DNTTIP1: variants seen among roughly 807,000 people sequenced by gnomAD.
DNTTIP1 encodes the protein deoxynucleotidyltransferase terminal-interacting protein 1.
In DNTTIP1, 22 loss-of-function variants were observed where a neutral mutation model predicts 52.9. The ratio of observed to expected loss-of-function variants is 0.42; its 90% CI spans 0.30 to 0.59. The LOEUF is 0.59. DNTTIP1 is among the 20% of genes least tolerant of loss of function. The pLI is 0.22. For synonymous variants in DNTTIP1, 136 were observed against 155.1 expected (o/e 0.88, Z 0.92); for missense variants, 286 against 435.5 (o/e 0.66, Z 3.06).
At chr20:45,806,543 G>A (rs916724907) in intron 10 of DNTTIP1, among the ~76,000 whole-genome samples, 1 of 152,218 alleles carries the variant, frequency 6.6e-6, no homozygotes. Flanking sequence ...AAGTAGATTA[G>A]AAGAATAGCA....
intron 1 of DNTTIP1, among the ~76,000 whole-genome samples, 196 bp downstream of exon 1, chr20:45,792,305 T>C (rs1981048176): frequency 6.6e-6 from 1 of 152,196 alleles, no homozygotes; most frequent in South Asian, 2.1e-4. Flanking sequence ...GTCAACCCCC[T>C]GAGTCCCAGG....
chr20:45,794,718 G>A (rs866840559), intron 3 of DNTTIP1, among the ~76,000 whole-genome samples: 4 of 150,414 alleles, frequency 2.7e-5, no homozygotes, highest in Admixed American at 2.0e-4. Context: ...TTGGGAGGCC[G>A]AGGCAGGATC....
intron 10 of DNTTIP1, among the ~76,000 whole-genome samples, chr20:45,808,457 A>C (rs1981720033): frequency 6.6e-6 from 1 of 152,146 alleles, no homozygotes; most frequent in Admixed American, 6.5e-5. Flanking sequence ...CCTGACCAAC[A>C]TGGAGAAATC....
intron 7 of DNTTIP1, among the ~76,000 whole-genome samples, 161 bp downstream of exon 7, chr20:45,802,218 G>T (rs1319559841): frequency 6.6e-6 from 1 of 152,126 alleles, no homozygotes; most frequent in Admixed American, 6.5e-5. Context: ...AGGAAGGAGG[G>T]TAGTGAGGAG....
intron 10 of DNTTIP1, among the ~76,000 whole-genome samples, chr20:45,805,943 A>C (rs1039728990): frequency 6.6e-6 from 1 of 151,194 alleles, no homozygotes; most frequent in African/African-American, 2.4e-5. Context: ...ATTAGCTGGC[A>C]TGGTGGCTCA....
intron 2 of DNTTIP1, among the ~76,000 whole-genome samples, 157 bp from the exon 3 acceptor site, chr20:45,793,764 T>C (rs987896224): frequency 1.3e-5 from 2 of 152,220 alleles, no homozygotes; most frequent in African/African-American, 4.8e-5. Context: ...AATAAAGTCA[T>C]GCCTCTGTGA....
intron 11 of DNTTIP1, among the ~76,000 whole-genome samples, chr20:45,810,073 C>T (rs1981773707): frequency 6.6e-6 from 1 of 152,070 alleles, no homozygotes; most frequent in Non-Finnish European, 1.5e-5. Flanking sequence ...GACCTGTGCA[C>T]TTCTACAGAT....
In DNTTIP1 at chr20:45,809,028, G is replaced by A; in HGVS notation, c.724-86G>A. 8.3e-7 allele frequency: 1 copy of A among 1,208,818 alleles called. No individual in the cohort carries two copies. The highest frequency in any genetic ancestry group is 1.2e-6 in the Non-Finnish European group (1 of 822,728). The allele number at this position is 1,208,818 out of a possible 1,614,324, so 74.9% of individuals were successfully genotyped here. On this transcript the variant is annotated intron_variant, in intron 10 of 12. Transcript: ENST00000372622. This position sits in a 1 kb window ranked among gnomAD's most constrained non-coding sequence, Gnocchi z 4.2. ...GAGACAAGGACTTTTGGTAAGAACT[G>A]CTCAAGGGCCAAGAGTATGCTCTGG...
rs1981213029 is a variant in DNTTIP1, at chr20:45,795,572, G to A, written c.372+129G>A. 4 of 559,744 alleles carry A rather than the reference G, an allele frequency of 7.1e-6. No individual in the cohort carries two copies. The Admixed American group carries it at 9.1e-5, about 13-fold the overall frequency. 34.7% of individuals were successfully genotyped at this position (559,744 alleles called of 1,614,324 possible). ...CCAGCACTGTGGGAGGCCAAGGTGG[G>A]CAGATCACTCAAGGCCAGGAGTTTG... On this transcript the variant is annotated intron_variant, in intron 4 of 12. Coordinates refer to ENST00000372622, the MANE Select transcript of DNTTIP1 (RefSeq NM_052951.3).
chr20:45,809,171 A>T lies in DNTTIP1; in HGVS notation c.781A>T (p.Thr261Ser). 1 of 1,614,100 alleles carries T rather than the reference A, an allele frequency of 6.2e-7. No homozygotes were observed. The highest frequency in any genetic ancestry group is 8.5e-7 in the Non-Finnish European group (1 of 1,179,996). ...WLAEQHHMRA[T>S]GGKMAYLLIE... ...GGCTGAGCAGCATCACATGCGGGCA[A>T]CAGGGGGCAAGATGGTAAGCATTAT... The change falls in exon 11 of 13, where the codon ACA (threonine) becomes TCA (serine). Residue 261 changes from threonine to serine, a missense_variant. Coordinates refer to ENST00000372622, the MANE Select transcript of DNTTIP1 (RefSeq NM_052951.3). The surrounding 1 kb of genome is among the most constrained non-coding windows in gnomAD (Gnocchi z 4.2).
rs779353357 is a variant in DNTTIP1, at chr20:45,809,195, A to T, written c.795+10A>T. 1 of 1,613,598 alleles carries T rather than the reference A, an allele frequency of 6.2e-7. No homozygotes were observed. Among genetic ancestry groups the T allele is most frequent in the East Asian group, 2.2e-5 (1 of 44,894 alleles). On this transcript the variant is annotated intron_variant, in intron 11 of 12. Transcript: ENST00000372622. The surrounding 1 kb of genome is among the most constrained non-coding windows in gnomAD (Gnocchi z 4.2). ...AACAGGGGGCAAGATGGTAAGCATT[A>T]TTCATTTGTGCCACTGCCAGTGACC...
rs1981592427 is a variant in DNTTIP1, at chr20:45,805,175, C to T, written c.633C>T (p.Thr211=). The T allele has an allele frequency of 6.2e-7, 1 of 1,614,206 alleles. No homozygotes were observed. The highest frequency in any genetic ancestry group is 8.5e-7 in the Non-Finnish European group (1 of 1,180,046). Reference sequence around the variant, plus strand: ...ACCCAGCTCGCCTGAATGAATCTACCACCTTTGTGTTGGGATCTCGAGCCA... The same window carrying T: ...ACCCAGCTCGCCTGAATGAATCTACTACCTTTGTGTTGGGATCTCGAGCCA... ...KWDPARLNES[T]TFVLGSRANK... is the part of the protein sequence containing the mutation. The change falls in exon 9 of 13, where the codon ACC becomes ACT. Residue 211 remains threonine (T), a synonymous_variant. Coordinates refer to ENST00000372622, the MANE Select transcript of DNTTIP1 (RefSeq NM_052951.3).
intron 5 of DNTTIP1, 129 bp downstream of exon 5, chr20:45,801,271 T>C (rs1258366002): frequency 7.2e-7 from 1 of 1,384,742 alleles, no homozygotes; most frequent in Non-Finnish European, 1.0e-6. Context: ...AGCATCATGC[T>C]GGATGGGCTT....
At chr20:45,792,485 T>G in intron 1 of DNTTIP1, 192 bp from the exon 2 acceptor site, 1 of 507,624 alleles carries the variant, frequency 2.0e-6, no homozygotes, top group Non-Finnish European at 3.5e-6. Context: ...TCGGGACTTT[T>G]AAGGCAGGAA....
Position 45,809,367 on chromosome 20 carries a change from T to C in DNTTIP1, c.795+182T>C, listed in dbSNP as rs1050471442. Among the ~76,000 whole-genome samples, 2 of 152,236 alleles carry C rather than the reference T, an allele frequency of 1.3e-5. No individual in the cohort carries two copies. The highest frequency in any genetic ancestry group is 4.8e-5 in the African/African-American group (2 of 41,466). ...GCAAATTGTAATCTTCAGGTTCCCT[T>C]CCCTATCCCTAGGTCTCCCTTCCGC... On this transcript the variant is annotated intron_variant, in intron 11 of 12. Coordinates refer to ENST00000372622, the MANE Select transcript of DNTTIP1 (RefSeq NM_052951.3). The surrounding 1 kb of genome is among the most constrained non-coding windows in gnomAD (Gnocchi z 4.2).
intron 8 of DNTTIP1, 130 bp from the exon 9 acceptor site, chr20:45,805,016 G>T: frequency 1.2e-6 from 1 of 808,786 alleles, no homozygotes; most frequent in Non-Finnish European, 2.2e-6. Context: ...TGAGTACTCA[G>T]TGTCTTGGGT....
chr20:45,800,759 G>A (rs1227259929), intron 4 of DNTTIP1, among the ~76,000 whole-genome samples: 2 of 113,428 alleles, frequency 1.8e-5, no homozygotes, highest in Admixed American at 9.7e-5. Flanking sequence ...ATATATATTT[G>A]GAAGTGGGCC....
At chr20:45,800,120 A>C (rs926677473) in intron 4 of DNTTIP1, among the ~76,000 whole-genome samples, 3 of 133,642 alleles carry the variant, frequency 2.2e-5, no homozygotes, top group African/African-American at 7.9e-5. Context: ...ATTCCATGTC[A>C]AAAAAAAAAA....
chr20:45,809,580 G>A lies in DNTTIP1; in HGVS notation c.795+395G>A, dbSNP rs2145706969. Among the ~76,000 whole-genome samples, 1 of 152,320 alleles carries A rather than the reference G, an allele frequency of 6.6e-6. No individual in the cohort carries two copies. The highest frequency in any genetic ancestry group is 1.5e-5 in the Non-Finnish European group (1 of 68,038). The stretch of plus-strand genomic sequence containing the variant: ...AATCTTTTCTCAACACAGTACTTGA[G>A]GCAGCAACCCTTGTCAGTAGGAGTT... On this transcript the variant is annotated intron_variant, in intron 11 of 12. Coordinates refer to ENST00000372622, the MANE Select transcript of DNTTIP1 (RefSeq NM_052951.3). The surrounding 1 kb of genome is among the most constrained non-coding windows in gnomAD (Gnocchi z 4.2).
Sources: gnomAD v4.1 joint callset for allele counts (sites outside exome capture counted in the v4.1 genomes callset) on GRCh38, gnomAD v4.1.1 for gene constraint, Gnocchi (gnomAD v3.1) non-coding constraint, MANE v1.5 for transcripts, NCBI Gene and HGNC (gene_info 2026-07-23, HGNC 2026-07-21) for gene names.